The following DLC1 variants were observed in gnomAD, a reference collection of about 807,000 sequenced individuals.
DLC1 encodes rho GTPase-activating protein 7.
Under a neutral mutation model 140.3 loss-of-function variants are expected in DLC1, and 54 were observed. The ratio of observed to expected loss-of-function variants is 0.38; its 90% CI spans 0.31 to 0.48. DLC1 has a LOEUF of 0.48. Among genes scored for constraint, DLC1 ranks in the 20% least tolerant of loss-of-function variants. The probability of loss-of-function intolerance (pLI) is 0.96; values close to 1 mark genes in which losing one functional copy is unlikely to be tolerated. For synonymous variants in DLC1, 986 were observed against 728.1 expected (o/e 1.35, Z -5.70); for missense variants, 2,536 against 1,907.0 (o/e 1.33, Z -6.14).
At chr8:13,334,148 T>C (rs1833720424) in intron 4 of DLC1, among the ~76,000 whole-genome samples, 1 of 152,130 alleles carries the variant, frequency 6.6e-6, no homozygotes, top group South Asian at 2.1e-4. Flanking sequence ...TCAGCTCTCA[T>C]GGTGGTGACA....
At chr8:13,300,840 A>T (rs985349245) in intron 5 of DLC1, among the ~76,000 whole-genome samples, 5 of 152,240 alleles carry the variant, frequency 3.3e-5, no homozygotes, top group Admixed American at 1.3e-4. Flanking sequence ...ATTTTCAAAG[A>T]TAACTCTGGT....
In DLC1 at chr8:13,235,785, T is replaced by G. The variant is rs553011369; in HGVS notation, c.1348+69484A>C. 2.6e-5 allele frequency among the ~76,000 whole-genome samples: 4 copies of G among 152,138 alleles called. No homozygotes were observed. The East Asian group carries it at 7.7e-4, about 29-fold the overall frequency. ...CAGTAATAAGTTAATTTGGACAAAT[T>G]GCCACATACACATTCAGCCATGGTG... On this transcript the variant is annotated intron_variant, in intron 5 of 17. Transcript: ENST00000276297.
rs1804081074 is a variant in DLC1, at chr8:13,557,255, A to C, written c.-126+47282T>G. On this transcript the variant is annotated intron_variant, in intron 1 of 1. Coordinates refer to the DLC1 transcript ENST00000631382. Reference sequence around the variant, plus strand: ...TACTCTGAAAAAGCCAACCCACACTAGTTAATTGTTTCTAACAAGACCAAA... The same window carrying C: ...TACTCTGAAAAAGCCAACCCACACTCGTTAATTGTTTCTAACAAGACCAAA... 1.3e-5 allele frequency among the ~76,000 whole-genome samples: 2 copies of C among 152,112 alleles called. 1 individual carries two copies. The highest frequency in any genetic ancestry group is 1.3e-4 in the Admixed American group (2 of 15,260).
chr8:13,565,707 G>T (rs75614329), intron 1 of DLC1, among the ~76,000 whole-genome samples: 1 of 152,240 alleles, frequency 6.6e-6, no homozygotes, highest in Admixed American at 6.5e-5. Flanking sequence ...GAAAGAGAGA[G>T]AGAGACAAAA....
chr8:13,196,506 C>T (rs1390440109), intron 5 of DLC1, among the ~76,000 whole-genome samples: 3 of 152,152 alleles, frequency 2.0e-5, no homozygotes, highest in African/African-American at 4.8e-5. Flanking sequence ...TATCAGCTGT[C>T]TCTCATAGGC....
intron 5 of DLC1, chr8:13,276,636 G>A (rs1188453112): frequency 5.9e-6 from 7 of 1,195,542 alleles, no homozygotes; most frequent in African/African-American, 1.6e-5. Context: ...CGCGGGGCGC[G>A]CGAGCTGCAG....
At chr8:13,253,044 G>C (rs1040353588) in intron 5 of DLC1, among the ~76,000 whole-genome samples, 1 of 152,298 alleles carries the variant, frequency 6.6e-6, no homozygotes, top group African/African-American at 2.4e-5. Flanking sequence ...TAAGGGAAAT[G>C]AGAAGCCATC....
chr8:13,198,831 C>T (rs1313783390), intron 5 of DLC1, among the ~76,000 whole-genome samples: 1 of 151,898 alleles, frequency 6.6e-6, no homozygotes, highest in Non-Finnish European at 1.5e-5. Context: ...ATTCTCCTGC[C>T]TCAGCCTCCC....
At chr8:13,450,090 CAAATT>C (rs1430294238) in intron 2 of DLC1, among the ~76,000 whole-genome samples, 3 of 151,690 alleles carry the variant, frequency 2.0e-5, no homozygotes, top group Non-Finnish European at 4.4e-5. Context: ...TAAAATAAAT[CAAATT>C]AAGTAAAATA....
At chr8:13,533,115 T>G (rs1449251363) in intron 1 of DLC1, among the ~76,000 whole-genome samples, 1 of 152,122 alleles carries the variant, frequency 6.6e-6, no homozygotes, top group African/African-American at 2.4e-5. Flanking sequence ...AATTAACATA[T>G]GCTGGAGGCC....
At chr8:13,313,479 G>A (rs1227699616) in intron 4 of DLC1, among the ~76,000 whole-genome samples, 4 of 152,182 alleles carry the variant, frequency 2.6e-5, no homozygotes, top group Non-Finnish European at 5.9e-5. Flanking sequence ...TGAGCTCAGT[G>A]AGATAGGGGT....
chr8:13,232,397 G>C (rs1829089256), intron 5 of DLC1, among the ~76,000 whole-genome samples: 1 of 151,942 alleles, frequency 6.6e-6, no homozygotes, highest in Admixed American at 6.6e-5. Flanking sequence ...GCAGTGGTGT[G>C]ATCTTGGCTC....
chr8:13,140,165 G>C (rs956225878), intron 5 of DLC1, among the ~76,000 whole-genome samples: 3 of 152,030 alleles, frequency 2.0e-5, no homozygotes, highest in Non-Finnish European at 4.4e-5. Context: ...GCCCCTTTGT[G>C]TCTGGCTTAT....
At chr8:13,560,408 T>C (rs1237296870) in intron 1 of DLC1, among the ~76,000 whole-genome samples, 1 of 152,178 alleles carries the variant, frequency 6.6e-6, no homozygotes, top group Admixed American at 6.5e-5. Flanking sequence ...TCAGAGAATA[T>C]AACGTGTACT....
intron 1 of DLC1, among the ~76,000 whole-genome samples, chr8:13,537,864 A>G (rs370820218): frequency 5.3e-5 from 8 of 152,048 alleles, no homozygotes; most frequent in South Asian, 2.1e-4. Context: ...TGTGTTAGTC[A>G]GGATAGTCTA....
intron 5 of DLC1, among the ~76,000 whole-genome samples, chr8:13,132,147 C>G (rs538831352): frequency 6.6e-6 from 1 of 151,824 alleles, no homozygotes; most frequent in Non-Finnish European, 1.5e-5. Context: ...GTGGGCATCC[C>G]CAAGGGGGCA....
intron 5 of DLC1, among the ~76,000 whole-genome samples, chr8:13,235,523 C>G (rs541194999): frequency 8.5e-4 from 130 of 152,150 alleles, no homozygotes; most frequent in Non-Finnish European, 1.6e-3. Context: ...CTAAAAGTAG[C>G]TATTCTAGGC....
chr8:13,412,358 A>G (rs539387457), intron 2 of DLC1, among the ~76,000 whole-genome samples: 2 of 152,324 alleles, frequency 1.3e-5, no homozygotes, highest in South Asian at 4.2e-4. Context: ...ATCGAAATTT[A>G]AAGTAGAACA....
chr8:13,218,002 C>A (rs73560303), intron 5 of DLC1, among the ~76,000 whole-genome samples: 2 of 152,186 alleles, frequency 1.3e-5, no homozygotes, highest in South Asian at 4.1e-4. Flanking sequence ...ATGACAGAAG[C>A]CAGTCCCCTC....
Sources: allele counts gnomAD v4.1 joint callset (sites outside exome capture counted in the v4.1 genomes callset), GRCh38; gene constraint gnomAD v4.1.1; transcripts MANE v1.5; gene names NCBI Gene and HGNC (gene_info 2026-07-23, HGNC 2026-07-21).